The following SI variants were observed in gnomAD, a reference collection of about 807,000 sequenced individuals.
SI encodes sucrase-isomaltase, intestinal.
SI carries 235 observed loss-of-function variants against 253.3 expected under a neutral mutation model. The ratio of observed to expected loss-of-function variants is 0.93; its 90% CI spans 0.83 to 1.03. SI has a LOEUF of 1.03. SI is among the 50% of genes least tolerant of loss of function. SI has a pLI of 0.00. For missense variants in SI, 2,442 were observed against 2,211.1 expected, an observed-to-expected ratio of 1.10 and a Z score of -2.09; for synonymous variants, 819 against 712.0, an observed-to-expected ratio of 1.15 and a Z score of -2.39.
intron 34 of SI, among the ~76,000 whole-genome samples, chr3:165,010,709 A>G (rs1218320650): frequency 6.6e-6 from 1 of 152,148 alleles, no homozygotes; most frequent in Non-Finnish European, 1.5e-5. Flanking sequence ...TCTATCACTT[A>G]AATAAAATCA....
intron 22 of SI, among the ~76,000 whole-genome samples, chr3:165,034,860 T>A (rs1278039598): frequency 6.6e-6 from 1 of 152,074 alleles, no homozygotes; most frequent in Non-Finnish European, 1.5e-5. Context: ...AAATGATTAC[T>A]CTACCTGCTG....
At position 165,023,509 on chromosome 3, in the gene SI, T is replaced by C. The variant is rs1003498234; in HGVS notation, c.3099+61A>G. On this transcript the variant is annotated intron_variant, in intron 26 of 47. Transcript: ENST00000264382. ...ATTACATTAAATATCAATCACAGGA[T>C]TATTCAAAATCTCATCTCACAAGAT... 1.1e-5 allele frequency: 12 copies of C among 1,066,122 alleles called. No homozygotes were observed. The Admixed American group carries it at 2.0e-4, about 18-fold the overall frequency. 66.0% of individuals were successfully genotyped at this position (1,066,122 alleles called of 1,614,324 possible).
rs1018996550 is a variant in SI, at chr3:165,017,984, T to C, written c.3506A>G (p.Asn1169Ser). The stretch of plus-strand genomic sequence containing the variant: ...GATTGTTTTACCCATTGCATTGCTG[T>C]TGAGTAAGAAAACACCATGAGCATT... ...EGNAHGVFLL[N>S]SNAMDVTFQP... The change falls in exon 29 of 48, where the codon AAC becomes AGC. Residue 1169 changes from asparagine (N) to serine (S), a missense_variant. By Grantham distance (46) the Asn-to-Ser change is conservative (BLOSUM62 1). Coordinates refer to ENST00000264382, the MANE Select transcript of SI (RefSeq NM_001041.4). 2.5e-6 allele frequency: 4 copies of C among 1,609,260 alleles called. No homozygotes were observed. Among genetic ancestry groups the C allele is most frequent in the Non-Finnish European group, 3.4e-6 (4 of 1,175,792 alleles).
chr3:165,077,692 A>G, intron 1 of SI, among the ~76,000 whole-genome samples: 1 of 151,838 alleles, frequency 6.6e-6, no homozygotes, highest in South Asian at 2.1e-4. Context: ...ACAACTTTAA[A>G]TAAGTGTAAA....
chr3:165,004,739 T>G (rs1305546398), intron 37 of SI, among the ~76,000 whole-genome samples: 1 of 152,062 alleles, frequency 6.6e-6, no homozygotes, highest in African/African-American at 2.4e-5. Context: ...TGCTAAAAAT[T>G]TTGAAAAAGC....
chr3:165,036,129 TAGATAA>T (rs1044285511), intron 22 of SI, among the ~76,000 whole-genome samples: 3 of 151,758 alleles, frequency 2.0e-5, no homozygotes, highest in African/African-American at 7.2e-5. Flanking sequence ...TTTAATCTAA[TAGATAA>T]AGATAGATTA....
intron 34 of SI, among the ~76,000 whole-genome samples, chr3:165,012,712 G>A (rs769494956): frequency 6.6e-6 from 1 of 152,116 alleles, no homozygotes. Flanking sequence ...TTACAGGCAT[G>A]AGCCACCGTG....
At position 165,069,213 on chromosome 3, in the gene SI, A is replaced by G. The variant is rs374807968; in HGVS notation, c.256-18T>C. The G allele has an allele frequency of 1.4e-6, 2 of 1,470,218 alleles. No individual in the cohort carries two copies. The highest frequency in any genetic ancestry group is 1.9e-6 in the Non-Finnish European group (2 of 1,050,368). 91.1% of individuals were successfully genotyped at this position (1,470,218 alleles called of 1,614,324 possible). On this transcript the variant is annotated intron_variant, in intron 3 of 47. Coordinates refer to ENST00000264382, the MANE Select transcript of SI (RefSeq NM_001041.4). ...CAAATTCCCTGATAAAATATTTTTA[A>G]AGGAATTATATAATTACTACTATTA...
intron 6 of SI, 131 bp downstream of exon 6, chr3:165,067,209 A>G: frequency 3.1e-6 from 2 of 650,302 alleles, no homozygotes; most frequent in East Asian, 2.8e-5. Flanking sequence ...TATCACCGTA[A>G]TTTTTATAAA....
chr3:165,009,957 C>T (rs575339452), intron 34 of SI, among the ~76,000 whole-genome samples: 1 of 151,918 alleles, frequency 6.6e-6, no homozygotes, highest in Non-Finnish European at 1.5e-5. Flanking sequence ...TCAGAGTAAC[C>T]GTGTTTTAGC....
chr3:165,011,682 A>G (rs992175531), intron 34 of SI, among the ~76,000 whole-genome samples: 11 of 150,286 alleles, frequency 7.3e-5, no homozygotes, highest in Non-Finnish European at 1.3e-4. Flanking sequence ...TGGTTGTTCT[A>G]TTTATTATTG....
At chr3:165,014,687 C>T (rs554690578) in intron 33 of SI, among the ~76,000 whole-genome samples, 1 of 152,080 alleles carries the variant, frequency 6.6e-6, no homozygotes, top group East Asian at 1.9e-4. Flanking sequence ...TCTGAATATA[C>T]TTGTTTATAT....
chr3:165,041,524 G>T (rs1712835648), intron 17 of SI, among the ~76,000 whole-genome samples: 3 of 152,000 alleles, frequency 2.0e-5, no homozygotes, highest in South Asian at 4.1e-4. Context: ...GTTATTATAT[G>T]TGACACACTA....
rs370466160 is a variant in SI, at chr3:165,076,097, CT to C, written c.1-86del. The stretch of plus-strand genomic sequence containing the variant: ...AACAATTCTCATGAAATTACATATT[CT>C]TTTTTTTACTATGTATAATGCAGAG... On this transcript the variant is annotated intron_variant, in intron 1 of 47. Transcript: ENST00000264382. 3,887 of 1,009,398 alleles carry C rather than the reference CT, an allele frequency of 3.9e-3. 105 individuals are homozygous for C. The African/African-American group carries it at 0.056, about 14-fold the overall frequency. The allele number at this position is 1,009,398 out of a possible 1,614,324, so 62.5% of individuals were successfully genotyped here. A position where few individuals can be genotyped will look rare whatever the true frequency, so the allele number is the denominator to read the frequency against.
intron 37 of SI, among the ~76,000 whole-genome samples, chr3:165,005,915 A>G (rs951866704): frequency 6.6e-6 from 1 of 151,958 alleles, no homozygotes; most frequent in Non-Finnish European, 1.5e-5. Flanking sequence ...CCTGGCCAGA[A>G]GATTTCAATC....
chr3:165,085,055 C>G, the SI span, among the ~76,000 whole-genome samples: 1 of 152,028 alleles, frequency 6.6e-6, no homozygotes, highest in Non-Finnish European at 1.5e-5. Flanking sequence ...TCAAATTTCT[C>G]TAAGGTTATT....
chr3:165,018,844 C>T (rs1719169671), intron 28 of SI, among the ~76,000 whole-genome samples: 1 of 151,574 alleles, frequency 6.6e-6, no homozygotes, highest in East Asian at 1.9e-4. Flanking sequence ...AGAAAACAGC[C>T]TTCAATAACC....
chr3:165,056,665 GA>G (rs1374754103), intron 12 of SI, among the ~76,000 whole-genome samples: 2 of 152,140 alleles, frequency 1.3e-5, no homozygotes, highest in Admixed American at 1.3e-4. Context: ...TGCCACAGCA[GA>G]AAGTACAAAG....
chr3:165,076,505 T>C (rs1226548545), intron 1 of SI, among the ~76,000 whole-genome samples: 1 of 151,770 alleles, frequency 6.6e-6, no homozygotes, highest in Non-Finnish European at 1.5e-5. Context: ...TTCAGTTTTT[T>C]TCTTGAACTC....
Sources: allele counts gnomAD v4.1 joint callset (sites outside exome capture counted in the v4.1 genomes callset), GRCh38; gene constraint gnomAD v4.1.1; transcripts MANE v1.5; gene names NCBI Gene and HGNC (gene_info 2026-07-23, HGNC 2026-07-21).